ANKRD13A: variants seen among roughly 807,000 people sequenced by gnomAD.
The protein encoded by ANKRD13A is ankyrin repeat domain-containing protein 13A.
In ANKRD13A, 48 loss-of-function variants were observed where a neutral mutation model predicts 81.3. That is an observed-to-expected ratio of 0.59 (90% confidence interval 0.47 to 0.75). ANKRD13A has a LOEUF of 0.75. ANKRD13A is among the 30% of genes least tolerant of loss of function. The pLI, the probability that ANKRD13A is intolerant of heterozygous loss-of-function variation, is 0.00. For synonymous variants in ANKRD13A, 230 were observed against 270.1 expected (o/e 0.85, Z 1.45); for missense variants, 612 against 734.0 (o/e 0.83, Z 1.92).
intron 11 of ANKRD13A, among the ~76,000 whole-genome samples, chr12:110,030,387 G>A (rs557436579): frequency 3.3e-5 from 5 of 152,040 alleles, no homozygotes; most frequent in African/African-American, 9.6e-5. Context: ...GGCTGGTCTC[G>A]AACTCCTGAC....
At chr12:110,000,606 G>A (rs1889903861) in intron 1 of ANKRD13A, among the ~76,000 whole-genome samples, 2 of 152,098 alleles carry the variant, frequency 1.3e-5, no homozygotes, top group Admixed American at 1.3e-4. Flanking sequence ...GTTGAAAGTG[G>A]GGAGTGGGTG....
chr12:110,026,113 C>G (rs764658863), intron 8 of ANKRD13A, among the ~76,000 whole-genome samples: 3 of 151,908 alleles, frequency 2.0e-5, no homozygotes, highest in African/African-American at 7.2e-5. Context: ...AAGCACCCAC[C>G]ACCACGCCCG....
At chr12:110,024,262 A>AT (rs1465092219) in intron 7 of ANKRD13A, 150 bp downstream of exon 7, 9 of 715,260 alleles carry the variant, frequency 1.3e-5, no homozygotes, top group Non-Finnish European at 1.8e-5. Flanking sequence ...TGGATGTTTG[A>AT]TTTTGTCTTA....
intron 8 of ANKRD13A, 46 bp from the exon 9 acceptor site, chr12:110,027,659 C>A: frequency 6.4e-7 from 1 of 1,571,704 alleles, no homozygotes; most frequent in Non-Finnish European, 8.7e-7. Context: ...TTTATAGCCA[C>A]AAGTGAGATA....
intron 7 of ANKRD13A, among the ~76,000 whole-genome samples, chr12:110,025,338 A>G (rs1279097316): frequency 6.6e-6 from 1 of 151,312 alleles, no homozygotes; most frequent in Non-Finnish European, 1.5e-5. Flanking sequence ...CCTGGGCAAC[A>G]GAGGGAGACT....
At chr12:110,030,561 G>A in intron 11 of ANKRD13A, 84 bp from the exon 12 acceptor site, 1 of 694,140 alleles carries the variant, frequency 1.4e-6, no homozygotes, top group Non-Finnish European at 2.3e-6. Flanking sequence ...AAAGTACTTG[G>A]CATAGTAAGC....
chr12:110,010,409 C>T (rs1890459727), intron 1 of ANKRD13A, among the ~76,000 whole-genome samples: 1 of 152,178 alleles, frequency 6.6e-6, no homozygotes, highest in Admixed American at 6.5e-5. Flanking sequence ...TAAACTTCAA[C>T]TGAATTTATA....
At chr12:110,017,869 T>G (rs902972840) in intron 4 of ANKRD13A, among the ~76,000 whole-genome samples, 1 of 151,672 alleles carries the variant, frequency 6.6e-6, no homozygotes, top group African/African-American at 2.4e-5. Context: ...GAGGCGGAGG[T>G]TGCAGTGAGC....
chr12:110,007,542 G>A (rs1304825025), intron 1 of ANKRD13A, among the ~76,000 whole-genome samples: 8 of 151,968 alleles, frequency 5.3e-5, no homozygotes, highest in African/African-American at 1.9e-4. Context: ...CACCACGCCC[G>A]GCTAATTTTG....
intron 2 of ANKRD13A, among the ~76,000 whole-genome samples, chr12:110,012,439 A>G (rs1344587332): frequency 6.6e-6 from 1 of 152,182 alleles, no homozygotes; most frequent in Non-Finnish European, 1.5e-5. Context: ...CCTTGGAGTC[A>G]TCTTTATCTT....
chr12:110,012,323 G>A (rs1268494961), intron 2 of ANKRD13A, among the ~76,000 whole-genome samples, 186 bp downstream of exon 2: 2 of 152,010 alleles, frequency 1.3e-5, no homozygotes, highest in East Asian at 1.9e-4. Flanking sequence ...CTGTGATTGC[G>A]TCACTGCACT....
rs1890548863 is a variant in ANKRD13A, at chr12:110,011,997, C to T, written c.97-8C>T. 5 of 1,590,260 alleles carry T rather than the reference C, an allele frequency of 3.1e-6. No homozygotes were observed. The highest frequency in any genetic ancestry group is 4.3e-6 in the Non-Finnish European group (5 of 1,160,896). On this transcript the variant is annotated splice_region_variant and splice_polypyrimidine_tract_variant and intron_variant, in intron 1 of 14. Coordinates refer to ENST00000261739, the MANE Select transcript of ANKRD13A (RefSeq NM_033121.2). ...CCAATTATGTAAATGCCAGTGTTTC[C>T]TTCACAGAATGTGGAGGCTGTGGAC...
At position 110,036,117 on chromosome 12, in the gene ANKRD13A, G is replaced by A. The variant is rs1052737668; in HGVS notation, c.1510-144G>A. 3 of 742,108 alleles carry A rather than the reference G, an allele frequency of 4.0e-6. No homozygotes were observed. The African/African-American group carries it at 5.2e-5, about 13-fold the overall frequency. The allele number at this position is 742,108 out of a possible 1,614,324, so 46.0% of individuals were successfully genotyped here. ...AGGTGTTGTTTTTGAGGTAACCCAA[G>A]TCCCTGTTAGCTTTTCACACAGCAC... is the stretch of plus-strand genomic sequence containing the variant. On this transcript the variant is annotated intron_variant, in intron 13 of 14. Transcript: ENST00000261739. This position sits in a 1 kb window ranked among gnomAD's most constrained non-coding sequence, Gnocchi z 4.6.
At chr12:110,013,363 A>G (rs750885131) in intron 3 of ANKRD13A, 114 bp downstream of exon 3, 6 of 1,291,866 alleles carry the variant, frequency 4.6e-6, no homozygotes, top group Non-Finnish European at 5.4e-6. Flanking sequence ...ATTCGTGAAT[A>G]TGAAATACTC....
At chr12:110,020,988 C>G in intron 6 of ANKRD13A, 1 of 346,336 alleles carries the variant, frequency 2.9e-6, no homozygotes, top group Non-Finnish European at 6.0e-6. Flanking sequence ...TGTTGAAGTG[C>G]GATTTGTGAA....
At chr12:110,007,513 T>G (rs1890299631) in intron 1 of ANKRD13A, among the ~76,000 whole-genome samples, 1 of 152,126 alleles carries the variant, frequency 6.6e-6, no homozygotes, top group South Asian at 2.1e-4. Context: ...CCCAAGTAGC[T>G]GGGATTACAG....
chr12:110,002,889 A>C (rs1281592336), intron 1 of ANKRD13A, among the ~76,000 whole-genome samples: 2 of 152,270 alleles, frequency 1.3e-5, no homozygotes, highest in East Asian at 3.9e-4. Context: ...CCCCAATCCC[A>C]CTGTCTCACT....
At position 109,999,557 on chromosome 12, in the gene ANKRD13A, A is replaced by G. The variant is rs551309164; in HGVS notation, c.-132A>G. ...CGCGCGCCCCGCACCCGACCGGCTCAGCCGGCCGGCAGCGTAACACGCCCT... is the reference window on the plus strand; with the variant it reads ...CGCGCGCCCCGCACCCGACCGGCTCGGCCGGCCGGCAGCGTAACACGCCCT... On this transcript the variant is annotated 5_prime_UTR_variant, in exon 1 of 15. Transcript: ENST00000261739. The surrounding 1 kb of genome is among the most constrained non-coding windows in gnomAD (Gnocchi z 4.3). The G allele has an allele frequency of 1.4e-5, 9 of 628,130 alleles. No individual in the cohort carries two copies. The highest frequency in any genetic ancestry group is 5.4e-5 in the South Asian group (1 of 18,506). 38.9% of individuals were successfully genotyped at this position (628,130 alleles called of 1,614,324 possible). A position where few individuals can be genotyped will look rare whatever the true frequency, so the allele number is the denominator to read the frequency against.
chr12:110,014,215 A>G (rs574076206), intron 3 of ANKRD13A, among the ~76,000 whole-genome samples: 12 of 152,264 alleles, frequency 7.9e-5, no homozygotes, highest in African/African-American at 2.9e-4. Context: ...GACCGAGACC[A>G]TCCTGACTAA....
Sources: gnomAD v4.1 joint callset for allele counts (sites outside exome capture counted in the v4.1 genomes callset) on GRCh38, gnomAD v4.1.1 for gene constraint, Gnocchi (gnomAD v3.1) non-coding constraint, MANE v1.5 for transcripts, NCBI Gene and HGNC (gene_info 2026-07-23, HGNC 2026-07-21) for gene names.